The following RAB30 variants were observed in gnomAD, a reference collection of about 807,000 sequenced individuals.
RAB30 encodes the protein RAB30, member RAS oncogene family.
A neutral mutation model predicts 25.1 loss-of-function variants in RAB30; 9 were observed. The observed-to-expected ratio is 0.36, with a 90% CI of 0.22 to 0.63. The LOEUF (loss-of-function observed/expected upper bound fraction) is 0.63, where lower values mean the gene tolerates loss of function less well. RAB30 is among the 20% of genes least tolerant of loss of function. The probability of loss-of-function intolerance (pLI) is 0.69; values close to 1 mark genes in which losing one functional copy is unlikely to be tolerated. For synonymous variants in RAB30, 77 were observed against 86.4 expected (o/e 0.89, Z 0.60); for missense variants, 140 against 243.5 (o/e 0.58, Z 2.83).
At chr11:83,038,366 C>G (rs1858032146) in intron 1 of RAB30, among the ~76,000 whole-genome samples, 1 of 152,106 alleles carries the variant, frequency 6.6e-6, no homozygotes, top group African/African-American at 2.4e-5. Flanking sequence ...TGCTATGGAA[C>G]TGGATATCCC....
chr11:83,045,438 C>T (rs1858215413), intron 1 of RAB30, among the ~76,000 whole-genome samples: 1 of 152,110 alleles, frequency 6.6e-6, no homozygotes, highest in South Asian at 2.1e-4. Flanking sequence ...GCTCTGTAAA[C>T]ATTTATTGAA....
At position 83,014,617 on chromosome 11, in the gene RAB30, G is replaced by GAGAC. The variant is rs539241941; in HGVS notation, c.-8-17294_-8-17293insGTCT. Among the ~76,000 whole-genome samples, 53 of 136,012 alleles carry GAGAC rather than the reference G, an allele frequency of 3.9e-4. No homozygotes were observed. In the East Asian group the frequency reaches 4.3e-3, roughly 11 times the overall value. 89.2% of individuals were successfully genotyped at this position (136,012 alleles called of 152,430 possible). ...AGAGGCAGAGGCAGAGAGAGACAAA[G>GAGAC]AAAGAAAGAAGTAAGAAAAAGAAAG... On this transcript the variant is annotated intron_variant, in intron 1 of 4. Coordinates refer to ENST00000527633, the MANE Select transcript of RAB30 (RefSeq NM_001286060.2).
At chr11:83,048,458 G>A (rs1219154279) in intron 1 of RAB30, among the ~76,000 whole-genome samples, 2 of 141,920 alleles carry the variant, frequency 1.4e-5, no homozygotes, top group East Asian at 4.0e-4. Flanking sequence ...GCAACAGTGA[G>A]ACACTGTCTC....
chr11:82,979,957 A>T lies in RAB30; in HGVS notation c.*2208T>A, dbSNP rs987714548. The stretch of plus-strand genomic sequence containing the variant: ...ATTATTTTGCAACTAAATCAGTCCA[A>T]TCTAACACAGCCATTTCCTCTAAGT... On this transcript the variant is annotated 3_prime_UTR_variant, in exon 5 of 5. Transcript: ENST00000527633. The T allele has an allele frequency of 6.6e-6, 1 of 152,222 alleles. No homozygotes were observed. Among genetic ancestry groups the T allele is most frequent in the Non-Finnish European group, 1.5e-5 (1 of 68,032 alleles). The allele number at this position is 152,222 out of a possible 1,614,324, so 9.4% of individuals were successfully genotyped here.
At chr11:83,059,917 C>T (rs1037276907) in intron 1 of RAB30, among the ~76,000 whole-genome samples, 58 of 151,934 alleles carry the variant, frequency 3.8e-4, no homozygotes, top group African/African-American at 1.3e-3. Context: ...AAAGCGGGGG[C>T]GGGGTGGTTG....
At chr11:83,071,524 T>G (rs1858846734) in intron 1 of RAB30, 167 bp downstream of exon 1, 1 of 151,258 alleles carries the variant, frequency 6.6e-6, no homozygotes, top group Admixed American at 6.7e-5. Flanking sequence ...GAGTTGTTCT[T>G]TGCAGTGACC....
At chr11:82,994,338 T>A (rs1251347550) in intron 2 of RAB30, among the ~76,000 whole-genome samples, 1 of 151,442 alleles carries the variant, frequency 6.6e-6, no homozygotes, top group Non-Finnish European at 1.5e-5. Context: ...GAGAGAGAAA[T>A]GCTGAAAGAA....
chr11:83,031,256 A>C (rs750856303), intron 1 of RAB30, among the ~76,000 whole-genome samples: 1 of 152,240 alleles, frequency 6.6e-6, no homozygotes, highest in Non-Finnish European at 1.5e-5. Flanking sequence ...ATCCGAATAA[A>C]AACAAGGTTC....
intron 1 of RAB30, among the ~76,000 whole-genome samples, chr11:83,003,199 G>C (rs946428223): frequency 1.8e-4 from 27 of 152,224 alleles, no homozygotes; most frequent in Admixed American, 6.5e-5. Context: ...ATCTATACCA[G>C]TGAGTTACGT....
In RAB30 at chr11:82,976,760, C is replaced by T. The variant is rs1283346962; in HGVS notation, c.*5405G>A. On this transcript the variant is annotated 3_prime_UTR_variant, in exon 5 of 5. Transcript: ENST00000527633. Reference sequence around the variant, plus strand: ...CCATAAAAAAAGACCAATGAAGAGCCGTCTATCAGCCTTGCAAGGGTGAAA... The same window carrying T: ...CCATAAAAAAAGACCAATGAAGAGCTGTCTATCAGCCTTGCAAGGGTGAAA... 1.3e-5 allele frequency: 2 copies of T among 152,040 alleles called. No individual in the cohort carries two copies. The highest frequency in any genetic ancestry group is 2.4e-5 in the African/African-American group (1 of 41,412). 9.4% of individuals were successfully genotyped at this position (152,040 alleles called of 1,614,324 possible). A position where few individuals can be genotyped will look rare whatever the true frequency, so the allele number is the denominator to read the frequency against.
At position 83,048,945 on chromosome 11, in the gene RAB30, A is replaced by G. The variant is rs532480059; in HGVS notation, c.-9+22746T>C. 2.0e-4 allele frequency among the ~76,000 whole-genome samples: 31 copies of G among 152,338 alleles called. No homozygotes were observed. The South Asian group carries it at 6.4e-3, about 32-fold the overall frequency. On this transcript the variant is annotated intron_variant, in intron 1 of 4. Coordinates refer to ENST00000527633, the MANE Select transcript of RAB30 (RefSeq NM_001286060.2). ...GCTCTGCCCTTCTCCCTGCTGGAGCATGTGAGCTGGAGCATCCACTCAAGC... is the reference window on the plus strand; with the variant it reads ...GCTCTGCCCTTCTCCCTGCTGGAGCGTGTGAGCTGGAGCATCCACTCAAGC...
At chr11:83,045,960 TGG>T (rs1858224672) in intron 1 of RAB30, among the ~76,000 whole-genome samples, 1 of 152,210 alleles carries the variant, frequency 6.6e-6, no homozygotes, top group Non-Finnish European at 1.5e-5. Flanking sequence ...CTTCAAGCTC[TGG>T]AATATTAAAA....
chr11:82,987,068 C>T (rs1856751845), intron 4 of RAB30: 1 of 152,144 alleles, frequency 6.6e-6, no homozygotes, highest in Admixed American at 6.5e-5. Context: ...GTGCTTTCCC[C>T]CCATACTAAA....
At chr11:83,028,801 C>T (rs570643360) in intron 1 of RAB30, among the ~76,000 whole-genome samples, 41 of 152,306 alleles carry the variant, frequency 2.7e-4, no homozygotes, top group African/African-American at 9.9e-4. Context: ...CTTTGGGAGG[C>T]TAAGACAGCA....
intron 1 of RAB30, among the ~76,000 whole-genome samples, chr11:82,998,858 G>A (rs1857016142): frequency 6.6e-6 from 1 of 152,192 alleles, no homozygotes; most frequent in South Asian, 2.1e-4. Context: ...GGTGCTGGGA[G>A]ATAGGAAAGC....
Position 82,978,298 on chromosome 11 carries a change from T to G in RAB30, c.*3867A>C, listed in dbSNP as rs1856579594. Reference sequence around the variant, plus strand: ...TAGAGCAATGATCCCTAAGTACTCATTACTATGAAATACAGAGTTCTACAA... The same window carrying G: ...TAGAGCAATGATCCCTAAGTACTCAGTACTATGAAATACAGAGTTCTACAA... On this transcript the variant is annotated 3_prime_UTR_variant, in exon 5 of 5. Transcript: ENST00000527633. 1 of 152,102 alleles carries G rather than the reference T, an allele frequency of 6.6e-6. No individual in the cohort carries two copies. Among genetic ancestry groups the G allele is most frequent in the South Asian group, 2.1e-4 (1 of 4,820 alleles). 9.4% of individuals were successfully genotyped at this position (152,102 alleles called of 1,614,324 possible).
chr11:83,013,178 G>A (rs887075869), intron 1 of RAB30, among the ~76,000 whole-genome samples: 2 of 152,036 alleles, frequency 1.3e-5, no homozygotes, highest in Admixed American at 1.3e-4. Flanking sequence ...CCGCCTCCTG[G>A]GTTCAATAAA....
chr11:83,013,011 C>T (rs1857336996), intron 1 of RAB30, among the ~76,000 whole-genome samples: 1 of 152,178 alleles, frequency 6.6e-6, no homozygotes, highest in Non-Finnish European at 1.5e-5. Flanking sequence ...GAATTGGTCA[C>T]TCTCTACTTT....
chr11:83,024,752 C>G (rs1177454445), intron 1 of RAB30, among the ~76,000 whole-genome samples: 3 of 152,182 alleles, frequency 2.0e-5, no homozygotes, highest in African/African-American at 7.2e-5. Context: ...GCTACTGTTA[C>G]TCAGATGAAA....
Sources: gnomAD v4.1 joint callset for allele counts (sites outside exome capture counted in the v4.1 genomes callset) on GRCh38, gnomAD v4.1.1 for gene constraint, MANE v1.5 for transcripts, NCBI Gene and HGNC (gene_info 2026-07-23, HGNC 2026-07-21) for gene names.